Variants in RNF103 observed in about 807,000 individuals in gnomAD.
RNF103 encodes E3 ubiquitin-protein ligase RNF103.
A neutral mutation model predicts 66.2 loss-of-function variants in RNF103; 23 were observed. That is an observed-to-expected ratio of 0.35 (90% CI 0.25 to 0.49). The LOEUF is 0.49. Ranked by LOEUF, RNF103 falls within the 20% of genes least tolerant of loss-of-function variation. RNF103 has a pLI of 0.98. For synonymous variants in RNF103, 297 were observed against 289.9 expected, an observed-to-expected ratio of 1.02 and a Z score of -0.25; for missense variants, 730 against 814.7, an observed-to-expected ratio of 0.90 and a Z score of 1.27.
chr2:86,622,975 G>C lies in RNF103; in HGVS notation c.-89C>G. On this transcript the variant is annotated 5_prime_UTR_variant, in exon 1 of 4. Transcript: ENST00000237455. ...GGGGGCCGCGGCTCGGTGGCAGCTT[G>C]GGCGAGGGCCCCGTGTCCACGCGCG... is the stretch of plus-strand genomic sequence containing the variant. 1.4e-6 allele frequency: 2 copies of C among 1,460,692 alleles called. No homozygotes were observed. The highest frequency in any genetic ancestry group is 2.6e-5 in the East Asian group (1 of 37,878). The allele number at this position is 1,460,692 out of a possible 1,614,324, so 90.5% of individuals were successfully genotyped here.
intron 1 of RNF103, 82 bp downstream of exon 1, chr2:86,622,579 T>A (rs1679271698): frequency 7.1e-7 from 1 of 1,409,196 alleles, no homozygotes; most frequent in Non-Finnish European, 1.0e-6. Flanking sequence ...GGCCTCACTC[T>A]GGGGGAACAG....
chr2:86,615,505 A>G (rs749120167), intron 2 of RNF103, among the ~76,000 whole-genome samples: 2 of 141,214 alleles, frequency 1.4e-5, no homozygotes, highest in Admixed American at 1.5e-4. Context: ...CCTAATATAT[A>G]TATATACATA....
chr2:86,614,667 A>G (rs1301625706), intron 2 of RNF103: 2 of 750,860 alleles, frequency 2.7e-6, no homozygotes, highest in Non-Finnish European at 3.2e-6. Context: ...GCAGGCGCCT[A>G]TTGCCTCTTG....
chr2:86,609,387 T>G (rs867408456), intron 3 of RNF103, among the ~76,000 whole-genome samples: 1 of 147,286 alleles, frequency 6.8e-6, no homozygotes, highest in African/African-American at 2.6e-5. Context: ...CTCAGGTATT[T>G]TTTTTTTTTT....
chr2:86,606,096 ATTTCTTCAGT>A (rs1678533979), intron 3 of RNF103, among the ~76,000 whole-genome samples: 1 of 152,206 alleles, frequency 6.6e-6, no homozygotes, highest in Admixed American at 6.5e-5. Context: ...GTATTCTCTT[ATTTCTTCAGT>A]GAAGATCATG....
chr2:86,612,321 A>G, intron 2 of RNF103, 47 bp from the exon 3 acceptor site: 1 of 1,083,446 alleles, frequency 9.2e-7, no homozygotes, highest in Non-Finnish European at 1.4e-6. Flanking sequence ...CCTAAAATGG[A>G]GTCAAGCCAA....
intron 2 of RNF103, chr2:86,618,009 C>CGTGAT (rs1475909281): frequency 2.2e-6 from 1 of 461,060 alleles, no homozygotes; most frequent in Non-Finnish European, 4.3e-6. Context: ...AAACCTTGAG[C>CGTGAT]ATCACTGGAA....
chr2:86,620,204 G>A, intron 2 of RNF103, 126 bp downstream of exon 2: 1 of 1,218,342 alleles, frequency 8.2e-7, no homozygotes, highest in Non-Finnish European at 1.1e-6. Flanking sequence ...CTCCCTAAGA[G>A]AACTGAGTTA....
At chr2:86,612,363 A>G (rs182264450) in intron 2 of RNF103, 89 bp from the exon 3 acceptor site, 18 of 709,438 alleles carry the variant, frequency 2.5e-5, no homozygotes, top group Non-Finnish European at 3.9e-5. Flanking sequence ...TTTCACTTAA[A>G]AAAAAAGATA....
chr2:86,623,733 G>C lies in RNF103; in HGVS notation c.-847C>G, dbSNP rs1020309023. The C allele has an allele frequency of 5.5e-6, 7 of 1,267,626 alleles. No individual in the cohort carries two copies. The highest frequency in any genetic ancestry group is 4.8e-5 in the African/African-American group (3 of 62,730). 78.5% of individuals were successfully genotyped at this position (1,267,626 alleles called of 1,614,324 possible). A position where few individuals can be genotyped will look rare whatever the true frequency, so the allele number is the denominator to read the frequency against. On this transcript the variant is annotated 5_prime_UTR_variant, in exon 1 of 4. Transcript: ENST00000237455. ...TACCCGGCTGCCTCCCGGCCACTCA[G>C]CGCCCGTCCCGCTCGGATGGGCAGT...
At position 86,603,691 on chromosome 2, in the gene RNF103, A is replaced by C; in HGVS notation, c.*152T>G. 8.6e-7 allele frequency: 1 copy of C among 1,162,158 alleles called. No homozygotes were observed. The highest frequency in any genetic ancestry group is 1.2e-6 in the Non-Finnish European group (1 of 851,948). 72.0% of individuals were successfully genotyped at this position (1,162,158 alleles called of 1,614,324 possible). ...CATTCAATTAACACACAAGGCAACC[A>C]AATAAATTCTGTCATCAACATTAGC... is the stretch of plus-strand genomic sequence containing the variant. On this transcript the variant is annotated 3_prime_UTR_variant, in exon 4 of 4. Transcript: ENST00000237455.
upstream of RNF103, chr2:86,623,867 A>G (rs1398925401): frequency 7.8e-7 from 1 of 1,287,166 alleles, no homozygotes; most frequent in African/African-American, 1.5e-5. Context: ...AGACATAACA[A>G]CTGACGTCGC....
intron 2 of RNF103, chr2:86,613,532 A>T (rs1349977397): frequency 6.6e-6 from 1 of 152,160 alleles, no homozygotes; most frequent in Non-Finnish European, 1.5e-5. Context: ...ATACTATACA[A>T]TTCAAAATTA....
chr2:86,615,010 T>C (rs1678962599), intron 2 of RNF103: 2 of 985,288 alleles, frequency 2.0e-6, no homozygotes, highest in African/African-American at 3.5e-5. Context: ...TCAGTGAAGA[T>C]CTTGTTCACT....
At chr2:86,605,461 C>A in intron 3 of RNF103, 43 bp from the exon 4 acceptor site, 1 of 1,527,934 alleles carries the variant, frequency 6.5e-7, no homozygotes. Flanking sequence ...GGCTGTAATG[C>A]AAACAATTTA....
rs1326372159 is a variant in RNF103 at position 86,620,418 on chromosome 2, G to A, written c.278C>T (p.Ser93Phe). 1 of 1,605,096 alleles carries A rather than the reference G, an allele frequency of 6.2e-7. No homozygotes were observed. The highest frequency in any genetic ancestry group is 8.5e-7 in the Non-Finnish European group (1 of 1,173,554). The change falls in exon 2 of 4, where the codon TCC becomes TTC. Residue 93 changes from serine (S) to phenylalanine (F), a missense_variant. Transcript: ENST00000237455. ...GAAATTGGTACTAGAAACCGATTCG[G>A]ATGCTTCTTCTTCCTTGAGAGCAGA... ...LYSALKEEEA[S>F]ESVSSTNFSG...
At chr2:86,606,490 C>T (rs184520690) in intron 3 of RNF103, among the ~76,000 whole-genome samples, 18 of 151,914 alleles carry the variant, frequency 1.2e-4, no homozygotes, top group South Asian at 6.2e-4. Flanking sequence ...TGGTGAAACC[C>T]CATCTCTACC....
rs190943739 is a variant in RNF103 at position 86,620,221 on chromosome 2, A to G, written c.366+109T>C. 4 of 1,312,126 alleles carry G rather than the reference A, an allele frequency of 3.0e-6. No homozygotes were observed. The Admixed American group carries it at 8.2e-5, about 27-fold the overall frequency. The allele number at this position is 1,312,126 out of a possible 1,614,324, so 81.3% of individuals were successfully genotyped here. ...CCCTAAGAGAACTGAGTTATGTGTG[A>G]GAAACAAGACACAAGGACACGGAAG... On this transcript the variant is annotated intron_variant, in intron 2 of 3. Transcript: ENST00000237455.
Position 86,605,299 on chromosome 2 carries a change from T to C in RNF103, c.602A>G (p.His201Arg). The change falls in exon 4 of 4, where the codon CAC becomes CGC. Residue 201 changes from histidine to arginine, a missense_variant. His to Arg is a conservative substitution (Grantham distance 29, BLOSUM62 0). Around this residue, in one of 3 missense-constraint regions of RNF103, gnomAD observed 327 missense variants for 369.8 expected, o/e 0.88. Coordinates refer to ENST00000237455, the MANE Select transcript of RNF103 (RefSeq NM_005667.4). Reference sequence around the variant, plus strand: ...ATGAGCAGTTATCCATTTAAAAATGTGCTCTACTTCAATCTTGCGTCCACT... The same window carrying C: ...ATGAGCAGTTATCCATTTAAAAATGCGCTCTACTTCAATCTTGCGTCCACT... ...EYSGRKIEVE[H>R]IFKWITAHAA... The C allele has an allele frequency of 6.2e-7, 1 of 1,614,210 alleles. No individual in the cohort carries two copies. Among genetic ancestry groups the C allele is most frequent in the Non-Finnish European group, 8.5e-7 (1 of 1,180,036 alleles).
Sources: gnomAD v4.1 joint callset for allele counts (sites outside exome capture counted in the v4.1 genomes callset) on GRCh38, gnomAD v4.1.1 for gene constraint, gnomAD v4.1.1 regional missense constraint, MANE v1.5 for transcripts, NCBI Gene and HGNC (gene_info 2026-07-23, HGNC 2026-07-21) for gene names.